GTPBP10: variants seen among roughly 807,000 people sequenced by gnomAD.
GTPBP10 encodes GTP-binding protein 10.
GTPBP10 carries 38 observed loss-of-function variants against 44.8 expected under a neutral mutation model. The ratio of observed to expected loss-of-function variants is 0.85; its 90% CI spans 0.65 to 1.11. GTPBP10 has a LOEUF of 1.11. GTPBP10 is among the 50% of genes most tolerant of loss of function. The probability of loss-of-function intolerance (pLI) is 0.00; values close to 1 mark genes in which losing one functional copy is unlikely to be tolerated. For missense variants in GTPBP10, 462 were observed against 453.7 expected, an observed-to-expected ratio of 1.02 and a Z score of -0.17; for synonymous variants, 152 against 150.6, an observed-to-expected ratio of 1.01 and a Z score of -0.07.
At chr7:90,360,226 C>G (rs922758046) in intron 4 of GTPBP10, among the ~76,000 whole-genome samples, 4 of 152,134 alleles carry the variant, frequency 2.6e-5, no homozygotes, top group Non-Finnish European at 5.9e-5. Flanking sequence ...TGCCTATGTC[C>G]TGAATGGTGT....
chr7:90,389,453 C>T lies in GTPBP10; in HGVS notation c.*4299C>T, dbSNP rs1467986255. The T allele has an allele frequency of 6.6e-6, 1 of 151,452 alleles. No individual in the cohort carries two copies. Among genetic ancestry groups the T allele is most frequent in the African/African-American group, 2.4e-5 (1 of 41,166 alleles). The allele number at this position is 151,452 out of a possible 1,614,324, so 9.4% of individuals were successfully genotyped here. A position where few individuals can be genotyped will look rare whatever the true frequency, so the allele number is the denominator to read the frequency against. ...CCAGGCTGGAGTGCAGTGACATTAT[C>T]TTGGCTCACTGCAGCCTCTGATTCC... On this transcript the variant is annotated 3_prime_UTR_variant, in exon 10 of 10. Coordinates refer to ENST00000222511, the MANE Select transcript of GTPBP10 (RefSeq NM_033107.4).
At chr7:90,367,316 T>C (rs1003132822) in intron 4 of GTPBP10, among the ~76,000 whole-genome samples, 7 of 152,242 alleles carry the variant, frequency 4.6e-5, no homozygotes, top group African/African-American at 1.7e-4. Context: ...GGTCCAGAGC[T>C]GAGTTCAAGT....
At chr7:90,370,876 G>A (rs1322192589) in intron 4 of GTPBP10, among the ~76,000 whole-genome samples, 1 of 151,746 alleles carries the variant, frequency 6.6e-6, no homozygotes, top group East Asian at 1.9e-4. Flanking sequence ...GCATTGTGGC[G>A]GGCGCCTGTA....
chr7:90,361,170 G>C (rs546283534), intron 4 of GTPBP10, among the ~76,000 whole-genome samples: 34 of 152,252 alleles, frequency 2.2e-4, no homozygotes, highest in South Asian at 1.9e-3. Context: ...CCAATACTAT[G>C]TTGAATAGAA....
chr7:90,354,616 G>A (rs1795858617), intron 3 of GTPBP10, 67 bp downstream of exon 3: 3 of 775,512 alleles, frequency 3.9e-6, no homozygotes, highest in Non-Finnish European at 6.2e-6. Context: ...CAATGGAATA[G>A]CTTCTCTTGA....
chr7:90,377,523 T>A lies in GTPBP10; in HGVS notation c.608T>A (p.Leu203His), dbSNP rs774823437. The A allele has an allele frequency of 1.7e-5, 28 of 1,607,292 alleles. No homozygotes were observed. The East Asian group carries it at 6.3e-4, about 36-fold the overall frequency. ...SDFKQISVADLPGLIEGAHMN... is the reference protein window; with the variant it reads ...SDFKQISVADHPGLIEGAHMN... ...TTGTATTAGATATCAGTAGCTGATC[T>A]TCCGGGTTTAATAGAAGGAGCACAT... The change falls in exon 7 of 10, where the codon CTT becomes CAT. Residue 203 changes from leucine to histidine, a missense_variant. Coordinates refer to ENST00000222511, the MANE Select transcript of GTPBP10 (RefSeq NM_033107.4).
At chr7:90,367,040 A>G (rs967687115) in intron 4 of GTPBP10, among the ~76,000 whole-genome samples, 3 of 152,050 alleles carry the variant, frequency 2.0e-5, no homozygotes, top group Admixed American at 2.0e-4. Flanking sequence ...TCATTTCGTT[A>G]TGTACCCAGT....
chr7:90,372,337 A>C, intron 5 of GTPBP10, 109 bp downstream of exon 5: 1 of 779,466 alleles, frequency 1.3e-6, no homozygotes, highest in South Asian at 1.9e-5. Flanking sequence ...CTTAACTGAA[A>C]AATTTTTGGC....
intron 4 of GTPBP10, among the ~76,000 whole-genome samples, chr7:90,364,457 T>A (rs1235205639): frequency 6.6e-6 from 1 of 152,214 alleles, no homozygotes; most frequent in African/African-American, 2.4e-5. Flanking sequence ...TGAATATTGC[T>A]GAACAGCAAA....
At chr7:90,355,337 A>G (rs531625976) in intron 4 of GTPBP10, 107 bp downstream of exon 4, 46 of 758,036 alleles carry the variant, frequency 6.1e-5, no homozygotes, top group Non-Finnish European at 8.8e-5. Flanking sequence ...TAATTTATGG[A>G]ATTTGTGTGT....
Position 90,378,161 on chromosome 7 carries a change from TCTC to T in GTPBP10, c.728_730del (p.Ser243_His244delinsTyr), listed in dbSNP as rs1796375880. 6.2e-6 allele frequency: 10 copies of T among 1,613,262 alleles called. No homozygotes were observed. Among genetic ancestry groups the T allele is most frequent in the Non-Finnish European group, 8.5e-6 (10 of 1,179,604 alleles). ...TGATATTTCTGGATTTCAGCTTTCTTCTCACACTCAATACAGGACAGCTTTTGA... is the reference window on the plus strand; with the variant it reads ...TGATATTTCTGGATTTCAGCTTTCTTACACTCAATACAGGACAGCTTTTGA... On this transcript the variant is annotated inframe_deletion, in exon 8 of 10. Coordinates refer to ENST00000222511, the MANE Select transcript of GTPBP10 (RefSeq NM_033107.4).
intron 4 of GTPBP10, among the ~76,000 whole-genome samples, chr7:90,361,268 G>A (rs1029438097): frequency 1.6e-4 from 24 of 152,086 alleles, no homozygotes; most frequent in African/African-American, 5.6e-4. Flanking sequence ...ATTGGCTGTG[G>A]GTTTGTCATA....
intron 4 of GTPBP10, among the ~76,000 whole-genome samples, chr7:90,359,348 G>A (rs924953872): frequency 6.6e-6 from 1 of 151,652 alleles, no homozygotes; most frequent in Non-Finnish European, 1.5e-5. Flanking sequence ...ATGTGTCCAT[G>A]TGTTCCTTGT....
chr7:90,354,081 G>C (rs2115617654), intron 2 of GTPBP10, among the ~76,000 whole-genome samples: 1 of 152,130 alleles, frequency 6.6e-6, no homozygotes, highest in Admixed American at 6.5e-5. Context: ...AGATCCTCCT[G>C]CCTCCGCCTC....
intron 6 of GTPBP10, among the ~76,000 whole-genome samples, chr7:90,376,959 C>G (rs1796353105): frequency 6.6e-6 from 1 of 152,156 alleles, no homozygotes; most frequent in Non-Finnish European, 1.5e-5. Flanking sequence ...TGTGGTGGCT[C>G]ACGCCTGTAA....
chr7:90,348,819 A>G (rs1018215856), intron 1 of GTPBP10, among the ~76,000 whole-genome samples: 9 of 152,218 alleles, frequency 5.9e-5, no homozygotes, highest in Non-Finnish European at 1.0e-4. Context: ...AGAAGGGTCC[A>G]TGTCATAAAA....
chr7:90,366,729 A>T (rs903440808), intron 4 of GTPBP10, among the ~76,000 whole-genome samples: 7 of 151,756 alleles, frequency 4.6e-5, no homozygotes, highest in African/African-American at 1.7e-4. Context: ...CAAAAAAAAA[A>T]AAACCAGCTC....
At chr7:90,346,919 C>A (rs947396454) in intron 1 of GTPBP10, 145 bp downstream of exon 1, 3 of 874,426 alleles carry the variant, frequency 3.4e-6, no homozygotes, top group African/African-American at 1.7e-5. Flanking sequence ...CCTGTAGTGG[C>A]GCTTTGTCAG....
At position 90,390,523 on chromosome 7, in the gene GTPBP10, G is replaced by A. The variant is rs13222379; in HGVS notation, c.*5369G>A. The A allele has an allele frequency of 0.23, 34,600 of 152,128 alleles. 4,124 individuals are homozygous for A. The highest frequency in any genetic ancestry group is 0.27 in the African/African-American group (11,193 of 41,486). 9.4% of individuals were successfully genotyped at this position (152,128 alleles called of 1,614,324 possible). ...AAATTAAATTCTTTGGGATGTACAG[G>A]TAAGATAAGCTATGTGAAGCATAGC... On this transcript the variant is annotated 3_prime_UTR_variant, in exon 10 of 10. Coordinates refer to ENST00000222511, the MANE Select transcript of GTPBP10 (RefSeq NM_033107.4).
Sources: gnomAD v4.1 joint callset for allele counts (sites outside exome capture counted in the v4.1 genomes callset) on GRCh38, gnomAD v4.1.1 for gene constraint, MANE v1.5 for transcripts, NCBI Gene and HGNC (gene_info 2026-07-23, HGNC 2026-07-21) for gene names.